The following EPB41L2 variants were observed in gnomAD, a reference collection of about 807,000 sequenced individuals.
EPB41L2 encodes the protein erythrocyte membrane protein band 4.1 like 2.
A neutral mutation model predicts 113.0 loss-of-function variants in EPB41L2; 43 were observed. That is an observed-to-expected ratio of 0.38 (90% CI 0.30 to 0.49). The LOEUF (loss-of-function observed/expected upper bound fraction) is 0.49. Ranked by LOEUF, EPB41L2 falls within the 20% of genes least tolerant of loss-of-function variation. EPB41L2 has a pLI of 0.95. For missense variants in EPB41L2, 1,147 were observed against 1,223.4 expected (o/e 0.94, Z 0.93); for synonymous variants, 442 against 436.7 (o/e 1.01, Z -0.15).
At chr6:130,951,225 C>G (rs1814822853) in intron 3 of EPB41L2, among the ~76,000 whole-genome samples, 1 of 125,042 alleles carries the variant, frequency 8.0e-6, no homozygotes, top group Non-Finnish European at 1.6e-5. Flanking sequence ...CCACTGCACT[C>G]CAGCTTGGGT....
At chr6:130,988,979 C>T (rs1469677428) in intron 1 of EPB41L2, among the ~76,000 whole-genome samples, 1 of 152,174 alleles carries the variant, frequency 6.6e-6, no homozygotes, top group Non-Finnish European at 1.5e-5. Context: ...GTCCCAGCTA[C>T]TCAGCAGGCT....
chr6:130,979,509 A>G (rs989785587), intron 1 of EPB41L2, among the ~76,000 whole-genome samples: 3 of 151,464 alleles, frequency 2.0e-5, no homozygotes, highest in Non-Finnish European at 4.4e-5. Flanking sequence ...AAAAAAAAAA[A>G]AAAAGGAAAC....
intron 3 of EPB41L2, among the ~76,000 whole-genome samples, chr6:130,953,724 T>G (rs1816119500): frequency 6.6e-6 from 1 of 151,852 alleles, no homozygotes; most frequent in African/African-American, 2.4e-5. Context: ...TCTGCCTTCA[T>G]GACTGGGATT....
At chr6:131,062,429 A>G (rs989529387) in intron 1 of EPB41L2, 1 of 152,032 alleles carries the variant, frequency 6.6e-6, no homozygotes, top group African/African-American at 2.4e-5. Context: ...GAGAAAAAAC[A>G]AGCCATCTGT....
At chr6:130,944,172 T>TACAC (rs869217556) in intron 3 of EPB41L2, among the ~76,000 whole-genome samples, 2,014 of 125,628 alleles carry the variant, frequency 0.016, 45 homozygotes, top group African/African-American at 0.057. Context: ...TACACACACA[T>TACAC]ACACACACAC....
At chr6:131,059,176 G>A (rs1002101082) in intron 1 of EPB41L2, among the ~76,000 whole-genome samples, 12 of 143,162 alleles carry the variant, frequency 8.4e-5, no homozygotes, top group Admixed American at 7.2e-4. Context: ...GTGCAGTGGC[G>A]CAATCTCCGC....
intron 1 of EPB41L2, among the ~76,000 whole-genome samples, chr6:130,970,829 ATG>A (rs377360651): frequency 5.3e-4 from 81 of 152,272 alleles, no homozygotes; most frequent in African/African-American, 1.8e-3. Context: ...ATCAATTGGA[ATG>A]TGTTTCTTCT....
At chr6:130,938,427 G>T (rs1229201748) in intron 3 of EPB41L2, among the ~76,000 whole-genome samples, 1 of 152,092 alleles carries the variant, frequency 6.6e-6, no homozygotes, top group Non-Finnish European at 1.5e-5. Flanking sequence ...GGAGGGAGGG[G>T]GACCTGGCTG....
intron 3 of EPB41L2, among the ~76,000 whole-genome samples, chr6:130,927,348 A>T (rs1325981292): frequency 1.3e-5 from 2 of 152,120 alleles, no homozygotes; most frequent in Non-Finnish European, 1.5e-5. Context: ...TATATATATA[A>T]ATTTAAGAAG....
chr6:130,929,725 G>A (rs1027125301), intron 3 of EPB41L2, among the ~76,000 whole-genome samples: 3 of 152,042 alleles, frequency 2.0e-5, no homozygotes, highest in Admixed American at 1.3e-4. Context: ...TTGGCTCAAA[G>A]AAAAGTGACC....
chr6:131,056,325 C>A (rs975038789), intron 1 of EPB41L2, among the ~76,000 whole-genome samples: 1 of 152,176 alleles, frequency 6.6e-6, no homozygotes, highest in South Asian at 2.1e-4. Context: ...CATTTATAAT[C>A]AGTTACCTCT....
At chr6:131,046,209 T>C (rs1795437112) in intron 1 of EPB41L2, among the ~76,000 whole-genome samples, 2 of 151,612 alleles carry the variant, frequency 1.3e-5, no homozygotes, top group South Asian at 4.2e-4. Flanking sequence ...TACGAGCCAC[T>C]ATGCCCTGGC....
intron 1 of EPB41L2, among the ~76,000 whole-genome samples, chr6:130,963,670 A>G (rs768470926): frequency 4.7e-4 from 72 of 152,220 alleles, no homozygotes; most frequent in Non-Finnish European, 8.2e-4. Flanking sequence ...TGTGCCAGGC[A>G]AAGCATTCTC....
rs547258777 is a variant in EPB41L2, at chr6:130,960,822, T to C, written c.-14-4323A>G. ...CATATGTGGATAAGCCTTTAAACTC[T>C]ATCACCCATGAAAATGAGAACTCTT... On this transcript the variant is annotated intron_variant, in intron 1 of 19. Coordinates refer to ENST00000337057, the MANE Select transcript of EPB41L2 (RefSeq NM_001431.4). Among the ~76,000 whole-genome samples the C allele has an allele frequency of 2.0e-5, 3 of 152,328 alleles. No homozygotes were observed. The East Asian group carries it at 5.8e-4, about 29-fold the overall frequency.
chr6:130,925,951 C>G (rs1804594948), intron 4 of EPB41L2, among the ~76,000 whole-genome samples: 1 of 152,166 alleles, frequency 6.6e-6, no homozygotes, highest in Admixed American at 6.5e-5. Context: ...ATAATTATCA[C>G]TCTTATTATC....
At chr6:130,891,926 C>T (rs568788710) in intron 10 of EPB41L2, among the ~76,000 whole-genome samples, 1 of 152,260 alleles carries the variant, frequency 6.6e-6, no homozygotes, top group East Asian at 1.9e-4. Flanking sequence ...TGACCTGATT[C>T]AAAGCAATCT....
In EPB41L2 at chr6:130,899,530, C is replaced by G. The variant is rs748331354; in HGVS notation, c.1197G>C (p.Lys399Asn). 6.2e-7 allele frequency: 1 copy of G among 1,613,996 alleles called. No individual in the cohort carries two copies. The highest frequency in any genetic ancestry group is 8.5e-7 in the Non-Finnish European group (1 of 1,179,884). Reference protein sequence around the residue: ...QADSQFLENAKRLSMYGVDLH... With the variant: ...QADSQFLENANRLSMYGVDLH... ...GGTCAACACCATACATGGAAAGCCT[C>G]TTTGCATTTTCTAAGAACTGGGAAT... Residue 399 changes from lysine (K) to asparagine (N), a missense_variant, in exon 8 of 20, where the codon AAG becomes AAC. Physicochemically the swap from Lys to Asn is moderately conservative, Grantham distance 94. Transcript: ENST00000337057.
intron 1 of EPB41L2, among the ~76,000 whole-genome samples, chr6:131,054,205 A>T (rs1797173531): frequency 6.6e-6 from 1 of 152,132 alleles, no homozygotes; most frequent in Non-Finnish European, 1.5e-5. Flanking sequence ...GCACCCACAC[A>T]GTTTGTTCAT....
intron 11 of EPB41L2, among the ~76,000 whole-genome samples, chr6:130,885,967 T>C (rs1220680458): frequency 1.3e-5 from 2 of 152,182 alleles, no homozygotes; most frequent in Non-Finnish European, 2.9e-5. Flanking sequence ...TACATTGTAT[T>C]GAAAATTCTG....
Sources: allele counts gnomAD v4.1 joint callset (sites outside exome capture counted in the v4.1 genomes callset), GRCh38; gene constraint gnomAD v4.1.1; transcripts MANE v1.5; gene names NCBI Gene and HGNC (gene_info 2026-07-23, HGNC 2026-07-21).